Variants in EFR3B observed in about 807,000 individuals in gnomAD.
EFR3B encodes the protein protein EFR3 homolog B.
Under a neutral mutation model 104.7 loss-of-function variants are expected in EFR3B, and 64 were observed. That is an observed-to-expected ratio of 0.61 (90% confidence interval 0.50 to 0.75). The LOEUF (loss-of-function observed/expected upper bound fraction) is 0.75, where lower values mean the gene tolerates loss of function less well. EFR3B is among the 30% of genes least tolerant of loss of function. EFR3B has a pLI of 0.00. For synonymous variants in EFR3B, 385 were observed against 417.9 expected, an observed-to-expected ratio of 0.92 and a Z score of 0.96; for missense variants, 750 against 1,078.5, an observed-to-expected ratio of 0.70 and a Z score of 4.27.
rs947002660 is a variant in EFR3B, at chr2:25,042,247, C to T, written c.-66C>T. The T allele has an allele frequency of 6.2e-6, 8 of 1,299,218 alleles. No individual in the cohort carries two copies. Among genetic ancestry groups the T allele is most frequent in the Non-Finnish European group, 6.8e-6 (7 of 1,024,044 alleles). The allele number at this position is 1,299,218 out of a possible 1,614,324, so 80.5% of individuals were successfully genotyped here. On this transcript the variant is annotated 5_prime_UTR_variant, in exon 1 of 23. Transcript: ENST00000403714. The surrounding 1 kb of genome is among the most constrained non-coding windows in gnomAD (Gnocchi z 5.4). ...CCCGACTGTGAATGAAAGGCGGGCG[C>T]CGCCGAGGGCTGGCTGGGAACGCCG...
intron 1 of EFR3B, among the ~76,000 whole-genome samples, chr2:25,074,887 G>A (rs1055421214): frequency 6.6e-6 from 1 of 151,936 alleles, no homozygotes; most frequent in African/African-American, 2.4e-5. Context: ...AAAGTGCTGG[G>A]ATTATAGGCA....
chr2:25,136,503 C>G lies in EFR3B; in HGVS notation c.1485-20C>G. ...TGGCCTCATGCAAGGGCTAAGGAGG[C>G]CCTTTGCATCCCTTCCCAGTACCCT... On this transcript the variant is annotated intron_variant, in intron 13 of 22. Coordinates refer to ENST00000403714, the MANE Select transcript of EFR3B (RefSeq NM_014971.2). The surrounding 1 kb of genome is among the most constrained non-coding windows in gnomAD (Gnocchi z 4.0). The G allele has an allele frequency of 6.5e-7, 1 of 1,546,730 alleles. No individual in the cohort carries two copies. Among genetic ancestry groups the G allele is most frequent in the African/African-American group, 1.4e-5 (1 of 73,040 alleles).
chr2:25,079,458 C>G (rs1668728560), intron 1 of EFR3B, among the ~76,000 whole-genome samples: 2 of 152,182 alleles, frequency 1.3e-5, no homozygotes, highest in East Asian at 3.8e-4. Context: ...GCCTCTTTAT[C>G]TGTAAAATGA....
chr2:25,067,828 A>G (rs1015735532), intron 1 of EFR3B, among the ~76,000 whole-genome samples: 1 of 151,620 alleles, frequency 6.6e-6, no homozygotes, highest in Non-Finnish European at 1.5e-5. Context: ...TTCTTTTTTA[A>G]TGTTAAAACT....
rs1294510460 is a variant in EFR3B at position 25,155,273 on chromosome 2, T to C, written c.*933T>C. ...AAGGCTCCCAGCCTGACCTGGGTTG[T>C]AGGAGAGTGGGGAGGGTGGGATGAG... On this transcript the variant is annotated 3_prime_UTR_variant, in exon 23 of 23. Coordinates refer to ENST00000403714, the MANE Select transcript of EFR3B (RefSeq NM_014971.2). 6.6e-6 allele frequency: 1 copy of C among 152,146 alleles called. No individual in the cohort carries two copies. Among genetic ancestry groups the C allele is most frequent in the East Asian group, 1.9e-4 (1 of 5,194 alleles). 9.4% of individuals were successfully genotyped at this position (152,146 alleles called of 1,614,324 possible).
chr2:25,156,846 C>T lies in EFR3B; in HGVS notation c.*2506C>T, dbSNP rs1671183061. The T allele has an allele frequency of 6.6e-6, 1 of 152,238 alleles. No homozygotes were observed. The highest frequency in any genetic ancestry group is 6.5e-5 in the Admixed American group (1 of 15,288). The allele number at this position is 152,238 out of a possible 1,614,324, so 9.4% of individuals were successfully genotyped here. A position where few individuals can be genotyped will look rare whatever the true frequency, so the allele number is the denominator to read the frequency against. On this transcript the variant is annotated 3_prime_UTR_variant, in exon 23 of 23. Coordinates refer to ENST00000403714, the MANE Select transcript of EFR3B (RefSeq NM_014971.2). ...TGAAATCTTGAGCCACAAACATGTT[C>T]TTTCCTCACTAGCTCCTCCCAGGTT...
At chr2:25,080,921 T>C in intron 1 of EFR3B, 1 of 772,192 alleles carries the variant, frequency 1.3e-6, no homozygotes, top group South Asian at 1.4e-5. Flanking sequence ...CAATATTAGG[T>C]GGAAATCCCA....
At chr2:25,068,730 T>C (rs554250045) in intron 1 of EFR3B, among the ~76,000 whole-genome samples, 1 of 141,012 alleles carries the variant, frequency 7.1e-6, no homozygotes, top group South Asian at 2.4e-4. Context: ...CCCGGGTTCA[T>C]GCCATTCTTC....
chr2:25,075,556 T>C (rs1294767437), intron 1 of EFR3B, among the ~76,000 whole-genome samples: 2 of 152,218 alleles, frequency 1.3e-5, no homozygotes, highest in East Asian at 3.8e-4. Context: ...TCAGCAACCT[T>C]GCTCTGTGTG....
intron 3 of EFR3B, among the ~76,000 whole-genome samples, chr2:25,096,854 T>C (rs1434409387): frequency 3.3e-5 from 5 of 152,114 alleles, no homozygotes; most frequent in Non-Finnish European, 7.3e-5. Context: ...CAGCAAATCT[T>C]AAATCAACCC....
At chr2:25,123,655 G>A (rs1452558418) in intron 5 of EFR3B, among the ~76,000 whole-genome samples, 3 of 152,218 alleles carry the variant, frequency 2.0e-5, no homozygotes, top group Admixed American at 2.0e-4. Flanking sequence ...GGAGCTGTGG[G>A]GGCATGTCCA....
In EFR3B at chr2:25,121,689, A is replaced by G. The variant is rs1441704369; in HGVS notation, c.380A>G (p.Asn127Ser). ...CCCTGATAGTTTGTGAAGTTTGCCA[A>G]CATCGAGGAGGACACCCCGTCCTAT... The part of the protein sequence containing the change: ...LGTNSFVKFA[N>S]IEEDTPSYHR... Residue 127 changes from asparagine (N) to serine (S), a missense_variant, in exon 5 of 23, where the codon AAC becomes AGC. Physicochemically the swap from Asn to Ser is conservative, Grantham distance 46 (BLOSUM62 1). Transcript: ENST00000403714. The G allele has an allele frequency of 2.6e-6, 4 of 1,551,562 alleles. No individual in the cohort carries two copies. The highest frequency in any genetic ancestry group is 2.6e-6 in the Non-Finnish European group (3 of 1,147,006).
intron 1 of EFR3B, among the ~76,000 whole-genome samples, chr2:25,069,023 T>C (rs1383224185): frequency 6.8e-6 from 1 of 147,148 alleles, no homozygotes; most frequent in South Asian, 2.2e-4. Flanking sequence ...AACCTCCGCC[T>C]CCCGGATTCA....
intron 4 of EFR3B, among the ~76,000 whole-genome samples, chr2:25,115,282 T>C (rs1354212924): frequency 6.6e-6 from 1 of 152,190 alleles, no homozygotes. Context: ...GAAATCTGTA[T>C]TTTAAACAAG....
Position 25,139,114 on chromosome 2 carries a change from A to G in EFR3B, c.1778A>G (p.Tyr593Cys). Residue 593 changes from tyrosine (Y) to cysteine (C), a missense_variant, in exon 16 of 23, where the codon TAT (tyrosine) becomes TGT (cysteine). Coordinates refer to ENST00000403714, the MANE Select transcript of EFR3B (RefSeq NM_014971.2). ...CCTGTCTACAACCGCTGTGCCCTCT[A>G]TGCTCTGGGCGCAGCCTACCTGAAC... ...NLPVYNRCAL[Y>C]ALGAAYLNLI... The G allele has an allele frequency of 1.3e-6, 2 of 1,551,720 alleles. No individual in the cohort carries two copies. The highest frequency in any genetic ancestry group is 8.7e-7 in the Non-Finnish European group (1 of 1,146,990).
chr2:25,070,739 G>T (rs1668470867), intron 1 of EFR3B, among the ~76,000 whole-genome samples: 1 of 152,216 alleles, frequency 6.6e-6, no homozygotes, highest in South Asian at 2.1e-4. Flanking sequence ...AGCTGAGGAA[G>T]GGAGAGAGGC....
At chr2:25,057,638 T>A (rs1668059772) in intron 1 of EFR3B, among the ~76,000 whole-genome samples, 1 of 151,974 alleles carries the variant, frequency 6.6e-6, no homozygotes. Flanking sequence ...AAAAACTAGC[T>A]GGGCACGGTG....
In EFR3B at chr2:25,149,657, C is replaced by T. The variant is rs990531949; in HGVS notation, c.2143-37C>T. The T allele has an allele frequency of 1.0e-5, 16 of 1,549,536 alleles. No homozygotes were observed. The Admixed American group carries it at 1.6e-4, about 15-fold the overall frequency. ...CCAGGGCTGCCTCCTTTCTCTGCCCCCTGCCTTTCTGAGCATCTCTGTCCC... is the reference window on the plus strand; with the variant it reads ...CCAGGGCTGCCTCCTTTCTCTGCCCTCTGCCTTTCTGAGCATCTCTGTCCC... On this transcript the variant is annotated intron_variant, in intron 19 of 22. Transcript: ENST00000403714.
intron 3 of EFR3B, among the ~76,000 whole-genome samples, chr2:25,093,418 C>T (rs1027816668): frequency 1.3e-5 from 2 of 151,994 alleles, no homozygotes; most frequent in Admixed American, 1.3e-4. Flanking sequence ...CACTTGAGCC[C>T]AGAAGGTCGA....
Sources: gnomAD v4.1 joint callset for allele counts (sites outside exome capture counted in the v4.1 genomes callset) on GRCh38, gnomAD v4.1.1 for gene constraint, Gnocchi (gnomAD v3.1) non-coding constraint, MANE v1.5 for transcripts, NCBI Gene and HGNC (gene_info 2026-07-23, HGNC 2026-07-21) for gene names.